ARRDC2: variants seen among roughly 807,000 people sequenced by gnomAD.
ARRDC2 encodes arrestin domain containing 2.
ARRDC2 carries 39 observed loss-of-function variants against 38.9 expected under a neutral mutation model. That is an observed-to-expected ratio of 1.00 (90% confidence interval 0.78 to 1.31). The LOEUF (loss-of-function observed/expected upper bound fraction) is 1.31. Ranked by LOEUF, ARRDC2 falls within the 50% of genes most tolerant of loss-of-function variation. The pLI, the probability that ARRDC2 is intolerant of heterozygous loss-of-function variation, is 0.00. For synonymous variants in ARRDC2, 300 were observed against 261.9 expected (o/e 1.15, Z -1.41); for missense variants, 553 against 588.4 (o/e 0.94, Z 0.62).
intron 2 of ARRDC2, 79 bp from the exon 3 acceptor site, chr19:18,008,892 C>A (rs868649991): frequency 6.3e-7 from 1 of 1,599,796 alleles, no homozygotes; most frequent in Non-Finnish European, 8.5e-7. Flanking sequence ...CTGGGAGGCC[C>A]CCGGAGTGTC....
chr19:18,010,380 A>G (rs772900553), intron 6 of ARRDC2, 22 bp downstream of exon 6: 5 of 1,601,212 alleles, frequency 3.1e-6, no homozygotes, highest in Non-Finnish European at 4.2e-6. Flanking sequence ...CCCTGCTTGC[A>G]TGCAGAGGGT....
At position 18,010,270 on chromosome 19, in the gene ARRDC2, C is replaced by G. The variant is rs771979166; in HGVS notation, c.924C>G (p.His308Gln). 1.2e-6 allele frequency: 2 copies of G among 1,613,912 alleles called. No individual in the cohort carries two copies. Among genetic ancestry groups the G allele is most frequent in the South Asian group, 2.2e-5 (2 of 91,090 alleles). ...LPLVIGTIPLHPFGSRSSSVG... is the reference protein window; with the variant it reads ...LPLVIGTIPLQPFGSRSSSVG... Reference sequence around the variant, plus strand: ...TGGTGATCGGCACCATTCCCTTGCACCCTTTTGGCAGCCGTTCCTCCAGCG... The same window carrying G: ...TGGTGATCGGCACCATTCCCTTGCAGCCTTTTGGCAGCCGTTCCTCCAGCG... Residue 308 changes from histidine to glutamine, a missense_variant, in exon 6 of 8, where the codon CAC becomes CAG. Around this residue, in one of 3 missense-constraint regions of ARRDC2, gnomAD observed 447 missense variants for 456.6 expected, o/e 0.98. Transcript: ENST00000222250.
upstream of ARRDC2, among the ~76,000 whole-genome samples, chr19:18,005,464 A>G (rs1599393974): frequency 6.6e-6 from 1 of 151,674 alleles, no homozygotes; most frequent in African/African-American, 2.4e-5. Context: ...ATTCCACAAA[A>G]CCGCCATTGT....
upstream of ARRDC2, among the ~76,000 whole-genome samples, chr19:18,006,933 ACCCATCCT>A (rs2033291560): frequency 6.6e-6 from 1 of 152,008 alleles, no homozygotes; most frequent in African/African-American, 2.4e-5. Flanking sequence ...AACTCCAAAG[ACCCATCCT>A]CCCAGGCAGC....
At position 18,009,022 on chromosome 19, in the gene ARRDC2, C is replaced by T; in HGVS notation, c.393C>T (p.Ile131=). ...AACACGGTAGTGTCCGCTACTGTATCAAGGCCACCCTGCACCGGCCCTGGG... is the reference window on the plus strand; with the variant it reads ...AACACGGTAGTGTCCGCTACTGTATTAAGGCCACCCTGCACCGGCCCTGGG... ...EGKHGSVRYC[I]KATLHRPWVP... is the part of the protein sequence containing the mutation. The change falls in exon 3 of 8, where the codon ATC becomes ATT. Residue 131 remains isoleucine (I), a synonymous_variant. Coordinates refer to ENST00000222250, the MANE Select transcript of ARRDC2 (RefSeq NM_015683.2). 6.2e-7 allele frequency: 1 copy of T among 1,613,712 alleles called. No homozygotes were observed. The highest frequency in any genetic ancestry group is 8.5e-7 in the Non-Finnish European group (1 of 1,179,996).
At chr19:18,008,883 T>A in intron 2 of ARRDC2, 88 bp from the exon 3 acceptor site, 2 of 1,595,376 alleles carry the variant, frequency 1.3e-6, no homozygotes, top group South Asian at 2.2e-5. Context: ...ACTCTCCCCC[T>A]GGGAGGCCCC....
At position 18,009,814 on chromosome 19, in the gene ARRDC2, C is replaced by A. The variant is rs769380394; in HGVS notation, c.624C>A (p.Asp208Glu). ...TCATCCCTGTCTTTGCCGAGATCGA[C>A]AACGGCTCCACACGTCCTGTGCTGC... ...GEVIPVFAEI[D>E]NGSTRPVLPR... The change falls in exon 5 of 8, where the codon GAC (aspartate) becomes GAA (glutamate). Residue 208 changes from aspartate to glutamate, a missense_variant. Transcript: ENST00000222250. 1.2e-6 allele frequency: 2 copies of A among 1,612,552 alleles called. No individual in the cohort carries two copies. The highest frequency in any genetic ancestry group is 2.2e-5 in the South Asian group (2 of 91,080).
upstream of ARRDC2, chr19:18,008,151 C>G (rs2033320070): frequency 1.6e-5 from 15 of 923,168 alleles, no homozygotes; most frequent in South Asian, 8.9e-5. Flanking sequence ...ATAAAAGCGG[C>G]GCCGACGCAC....
intron 7 of ARRDC2, among the ~76,000 whole-genome samples, chr19:18,011,796 C>A (rs2033416417): frequency 6.6e-6 from 1 of 151,614 alleles, no homozygotes; most frequent in Non-Finnish European, 1.5e-5. Flanking sequence ...GAGTTTGAGG[C>A]TGCAGTGAGC....
chr19:18,013,607 T>C lies in ARRDC2; in HGVS notation c.*641T>C, dbSNP rs2033454819. 1 of 152,172 alleles carries C rather than the reference T, an allele frequency of 6.6e-6. No homozygotes were observed. Among genetic ancestry groups the C allele is most frequent in the African/African-American group, 2.4e-5 (1 of 41,426 alleles). The allele number at this position is 152,172 out of a possible 1,614,324, so 9.4% of individuals were successfully genotyped here. A position where few individuals can be genotyped will look rare whatever the true frequency, so the allele number is the denominator to read the frequency against. Reference sequence around the variant, plus strand: ...GTTCAGGAAAGCAGGTTGTCAGAGCTATGTGGAGTCTGTGGGTGGCAGGGG... The same window carrying C: ...GTTCAGGAAAGCAGGTTGTCAGAGCCATGTGGAGTCTGTGGGTGGCAGGGG... On this transcript the variant is annotated 3_prime_UTR_variant, in exon 8 of 8. Coordinates refer to ENST00000222250, the MANE Select transcript of ARRDC2 (RefSeq NM_015683.2).
upstream of ARRDC2, chr19:18,008,137 C>A: frequency 4.2e-6 from 5 of 1,179,420 alleles, no homozygotes; most frequent in South Asian, 3.2e-5. Flanking sequence ...CCCCGCCCTG[C>A]CGTATAAAAG....
chr19:18,008,258 T>A lies in ARRDC2; in HGVS notation c.-53T>A. ...CAGCGTCGGCATCTTGAGCTGCCGGTTCGCGAGTTCGAGGCCAGGTTCCGC... is the reference window on the plus strand; with the variant it reads ...CAGCGTCGGCATCTTGAGCTGCCGGATCGCGAGTTCGAGGCCAGGTTCCGC... On this transcript the variant is annotated 5_prime_UTR_variant, in exon 1 of 8. Coordinates refer to ENST00000222250, the MANE Select transcript of ARRDC2 (RefSeq NM_015683.2). 1 of 1,565,062 alleles carries A rather than the reference T, an allele frequency of 6.4e-7. No homozygotes were observed. Among genetic ancestry groups the A allele is most frequent in the Non-Finnish European group, 8.6e-7 (1 of 1,167,260 alleles).
intron 1 of ARRDC2, among the ~76,000 whole-genome samples, chr19:18,002,650 G>A (rs2033202970): frequency 6.6e-6 from 1 of 152,196 alleles, no homozygotes; most frequent in Non-Finnish European, 1.5e-5. Flanking sequence ...CAGGTGCGGG[G>A]GACCCTTCCC....
upstream of ARRDC2, among the ~76,000 whole-genome samples, chr19:18,007,004 ATCACGGGCT>A (rs77756328): frequency 0.25 from 37,654 of 151,978 alleles, 4,834 homozygotes; most frequent in African/African-American, 0.31. Context: ...TCCGATCCCC[ATCACGGGCT>A]GAGGGTGACC....
intron 1 of ARRDC2, 25 bp from the exon 2 acceptor site, chr19:18,008,686 C>T (rs371686330): frequency 1.2e-6 from 2 of 1,611,822 alleles, no homozygotes; most frequent in Admixed American, 3.3e-5. Flanking sequence ...ACCGCTCAGT[C>T]GCCTCCTTTT....
chr19:18,009,302 A>G, intron 3 of ARRDC2, 184 bp downstream of exon 3: 1 of 727,064 alleles, frequency 1.4e-6, no homozygotes, highest in Non-Finnish European at 2.2e-6. Flanking sequence ...ACTCTGGGCA[A>G]GTGTCTTGAA....
At chr19:18,003,734 G>A (rs1313684853), upstream of ARRDC2, among the ~76,000 whole-genome samples, 1 of 151,268 alleles carries the variant, frequency 6.6e-6, no homozygotes, top group African/African-American at 2.4e-5. Context: ...CTGCCTCCCG[G>A]GTTCACGCCA....
At position 18,009,989 on chromosome 19, in the gene ARRDC2, G is replaced by T; in HGVS notation, c.799G>T (p.Gly267Cys). The change falls in exon 5 of 8, where the codon GGT becomes TGT. Residue 267 changes from glycine to cysteine, a missense_variant. Around this residue, in one of 3 missense-constraint regions of ARRDC2, gnomAD observed 447 missense variants for 456.6 expected, o/e 0.98. Coordinates refer to ENST00000222250, the MANE Select transcript of ARRDC2 (RefSeq NM_015683.2). ...QGRALRIPPV[G>C]PSILHCRVLH... ...CCGGGCACTGCGGATCCCCCCAGTG[G>T]GTCCTTCCATCCTGCACTGCCGCGT... is the stretch of plus-strand genomic sequence containing the variant. 2 of 1,601,030 alleles carry T rather than the reference G, an allele frequency of 1.2e-6. No individual in the cohort carries two copies. Among genetic ancestry groups the T allele is most frequent in the Non-Finnish European group, 8.5e-7 (1 of 1,179,266 alleles).
At chr19:18,001,394 T>C in exon 1 of ARRDC2, 1 of 1,216,138 alleles carries the variant, frequency 8.2e-7, no homozygotes, top group East Asian at 3.3e-5. Flanking sequence ...GGGGAGCGGC[T>C]GTGCGGCCGG....
Sources: gnomAD v4.1 joint callset for allele counts (sites outside exome capture counted in the v4.1 genomes callset) on GRCh38, gnomAD v4.1.1 for gene constraint, gnomAD v4.1.1 regional missense constraint, MANE v1.5 for transcripts, NCBI Gene and HGNC (gene_info 2026-07-23, HGNC 2026-07-21) for gene names.